CCSER1: variants seen among roughly 807,000 people sequenced by gnomAD.
CCSER1 encodes the protein coiled-coil serine rich protein 1.
CCSER1 carries 41 observed loss-of-function variants against 82.0 expected under a neutral mutation model. The ratio of observed to expected loss-of-function variants is 0.50; its 90% CI spans 0.39 to 0.65. The LOEUF is 0.65. Ranked by LOEUF, CCSER1 falls within the 30% of genes least tolerant of loss-of-function variation. CCSER1 has a pLI of 0.00. For missense variants in CCSER1, 1,119 were observed against 1,064.2 expected (o/e 1.05, Z -0.72); for synonymous variants, 414 against 383.9 (o/e 1.08, Z -0.92).
At chr4:90,847,258 A>G (rs994493268) in intron 8 of CCSER1, among the ~76,000 whole-genome samples, 3 of 152,190 alleles carry the variant, frequency 2.0e-5, no homozygotes, top group Non-Finnish European at 2.9e-5. Context: ...AATGATTTCC[A>G]TTCCATTTAA....
intron 6 of CCSER1, among the ~76,000 whole-genome samples, chr4:90,640,961 A>G (rs1726402496): frequency 6.6e-6 from 1 of 152,146 alleles, no homozygotes; most frequent in Non-Finnish European, 1.5e-5. Context: ...CAAACTGCTC[A>G]GATTTGAATT....
chr4:90,260,483 C>T (rs1242959323), intron 1 of CCSER1, among the ~76,000 whole-genome samples: 2 of 152,098 alleles, frequency 1.3e-5, no homozygotes, highest in African/African-American at 4.8e-5. Flanking sequence ...TCTTGTTGGA[C>T]TGCTACTTTT....
At chr4:91,502,272 A>T (rs1262975738) in intron 10 of CCSER1, among the ~76,000 whole-genome samples, 1 of 152,194 alleles carries the variant, frequency 6.6e-6, no homozygotes, top group Non-Finnish European at 1.5e-5. Flanking sequence ...TACTCTGAGA[A>T]AAGGGAAGGA....
intron 8 of CCSER1, among the ~76,000 whole-genome samples, chr4:90,912,350 G>T (rs1726532393): frequency 6.6e-6 from 1 of 152,208 alleles, no homozygotes. Flanking sequence ...CTATTCTGCA[G>T]CCTCCACTGC....
intron 9 of CCSER1, among the ~76,000 whole-genome samples, chr4:91,059,019 C>CA (rs1743700617): frequency 6.6e-6 from 1 of 151,806 alleles, no homozygotes; most frequent in Non-Finnish European, 1.5e-5. Flanking sequence ...ATTTCCCACG[C>CA]AAAAATAAGA....
intron 6 of CCSER1, among the ~76,000 whole-genome samples, chr4:90,672,256 A>G (rs1247603173): frequency 3.9e-5 from 6 of 152,048 alleles, no homozygotes; most frequent in Admixed American, 2.0e-4. Flanking sequence ...GTTATTTAGC[A>G]TAGCCACCTT....
intron 8 of CCSER1, among the ~76,000 whole-genome samples, chr4:90,884,083 A>G (rs770574438): frequency 4.6e-5 from 7 of 152,098 alleles, no homozygotes; most frequent in Non-Finnish European, 1.0e-4. Flanking sequence ...TTCAATTTTA[A>G]GTATCTAAGA....
chr4:90,689,093 C>G (rs1430682837), intron 6 of CCSER1, among the ~76,000 whole-genome samples: 2 of 152,084 alleles, frequency 1.3e-5, no homozygotes, highest in Non-Finnish European at 2.9e-5. Flanking sequence ...TTAATTTGTT[C>G]TTAATTCTGT....
At chr4:91,387,727 GA>G (rs1176709115) in intron 10 of CCSER1, among the ~76,000 whole-genome samples, 9 of 148,208 alleles carry the variant, frequency 6.1e-5, no homozygotes, top group African/African-American at 2.2e-4. Context: ...TTAACTAAAT[GA>G]TAAAAAAATG....
At chr4:91,579,151 T>C (rs756065068) in intron 10 of CCSER1, among the ~76,000 whole-genome samples, 15 of 151,626 alleles carry the variant, frequency 9.9e-5, no homozygotes, top group Non-Finnish European at 1.9e-4. Context: ...TTTAAACCTT[T>C]CTTTCTGAGC....
At chr4:90,632,176 G>C (rs951376551) in intron 6 of CCSER1, among the ~76,000 whole-genome samples, 4 of 151,788 alleles carry the variant, frequency 2.6e-5, no homozygotes, top group Non-Finnish European at 5.9e-5. Context: ...AAATTTTTTT[G>C]TGAGGTATCA....
chr4:91,382,317 G>C (rs868394703), intron 10 of CCSER1, among the ~76,000 whole-genome samples: 14 of 152,312 alleles, frequency 9.2e-5, no homozygotes, highest in African/African-American at 3.1e-4. Flanking sequence ...AGAGTCTACA[G>C]AGGCAGGCAG....
intron 2 of CCSER1, among the ~76,000 whole-genome samples, chr4:90,310,182 C>T (rs1216856965): frequency 2.6e-5 from 4 of 151,966 alleles, no homozygotes; most frequent in African/African-American, 9.7e-5. Context: ...TCTTTGGAAG[C>T]TGGAGACAGG....
intron 9 of CCSER1, among the ~76,000 whole-genome samples, chr4:91,046,794 T>A (rs754376532): frequency 9.9e-5 from 15 of 152,136 alleles, no homozygotes; most frequent in Admixed American, 3.3e-4. Context: ...CTCGGCTCAC[T>A]ACAACCCGCA....
intron 10 of CCSER1, among the ~76,000 whole-genome samples, chr4:91,379,429 A>C (rs940158499): frequency 2.6e-5 from 4 of 151,916 alleles, no homozygotes; most frequent in African/African-American, 9.7e-5. Context: ...TCAATTTCAG[A>C]GCCTGTTATT....
intron 3 of CCSER1, among the ~76,000 whole-genome samples, chr4:90,315,883 AG>A (rs1736084749): frequency 6.6e-6 from 1 of 152,238 alleles, no homozygotes; most frequent in South Asian, 2.1e-4. Flanking sequence ...AAGAAATGGT[AG>A]GGATTATTTA....
chr4:90,518,553 G>A (rs1772600730), intron 5 of CCSER1, among the ~76,000 whole-genome samples: 1 of 151,954 alleles, frequency 6.6e-6, no homozygotes, highest in Non-Finnish European at 1.5e-5. Flanking sequence ...TTCCACTTAA[G>A]TGTCCATATA....
At chr4:91,541,373 C>T (rs538377952) in intron 10 of CCSER1, among the ~76,000 whole-genome samples, 1 of 152,266 alleles carries the variant, frequency 6.6e-6, no homozygotes, top group Non-Finnish European at 1.5e-5. Context: ...TGCTATCCCT[C>T]TCCCCTCCCT....
chr4:90,798,206 G>C (rs1052257808), intron 7 of CCSER1, among the ~76,000 whole-genome samples: 20 of 152,020 alleles, frequency 1.3e-4, no homozygotes, highest in South Asian at 4.1e-4. Context: ...TTGTCTGACT[G>C]CCTTATTTCA....
Sources: gnomAD v4.1 joint callset for allele counts (sites outside exome capture counted in the v4.1 genomes callset) on GRCh38, gnomAD v4.1.1 for gene constraint, MANE v1.5 for transcripts, NCBI Gene and HGNC (gene_info 2026-07-23, HGNC 2026-07-21) for gene names.